Variants in NT5C3A observed in about 807,000 individuals in gnomAD.
The protein encoded by NT5C3A is cytosolic 5'-nucleotidase 3A.
In NT5C3A, 23 loss-of-function variants were observed where a neutral mutation model predicts 40.0. The ratio of observed to expected loss-of-function variants is 0.58; its 90% CI spans 0.41 to 0.81. The LOEUF (loss-of-function observed/expected upper bound fraction) is 0.81, where lower values mean the gene tolerates loss of function less well. Among genes scored for constraint, NT5C3A ranks in the 40% least tolerant of loss-of-function variants. The pLI is 0.00. For missense variants in NT5C3A, 328 were observed against 403.0 expected, an observed-to-expected ratio of 0.81 and a Z score of 1.59; for synonymous variants, 130 against 141.4, an observed-to-expected ratio of 0.92 and a Z score of 0.57.
intron 1 of NT5C3A, among the ~76,000 whole-genome samples, chr7:33,043,318 A>G (rs1170864565): frequency 6.6e-6 from 1 of 152,222 alleles, no homozygotes; most frequent in Non-Finnish European, 1.5e-5. Context: ...AAAATAGAAT[A>G]CATAAGACAG....
intron 7 of NT5C3A, among the ~76,000 whole-genome samples, chr7:33,016,101 C>T (rs923524170): frequency 4.6e-5 from 7 of 152,086 alleles, no homozygotes; most frequent in South Asian, 2.1e-4. Context: ...AAAGGCCGGG[C>T]GCAGGGGCTC....
intron 1 of NT5C3A, among the ~76,000 whole-genome samples, chr7:33,028,751 A>G (rs1416484251): frequency 3.3e-5 from 5 of 152,116 alleles, no homozygotes; most frequent in Non-Finnish European, 7.3e-5. Flanking sequence ...CTGGAAGATG[A>G]TAACGAAAGT....
chr7:33,058,473 A>G (rs1476734305), intron 1 of NT5C3A, among the ~76,000 whole-genome samples: 1 of 151,876 alleles, frequency 6.6e-6, no homozygotes, highest in African/African-American at 2.4e-5. Flanking sequence ...CAGCCTCCCA[A>G]GTAGCTAGGA....
At position 33,026,923 on chromosome 7, in the gene NT5C3A, T is replaced by C. The variant is rs770103584; in HGVS notation, c.139-8A>G. 6.3e-7 allele frequency: 1 copy of C among 1,577,286 alleles called. No individual in the cohort carries two copies. The highest frequency in any genetic ancestry group is 8.7e-7 in the Non-Finnish European group (1 of 1,148,542). On this transcript the variant is annotated splice_polypyrimidine_tract_variant and splice_region_variant and intron_variant, in intron 1 of 8. Coordinates refer to ENST00000610140, the MANE Select transcript of NT5C3A (RefSeq NM_001002010.5). ...TTTCTGGAATTCTGGCATCTAAAAG[T>C]AAAAGAAAATTAATTAATTAGTTTT...
chr7:33,039,555 G>GTTTTTTTTTTTTTT lies in NT5C3A; in HGVS notation c.139-12641_139-12640insAAAAAAAAAAAAAA, dbSNP rs776873396. On this transcript the variant is annotated intron_variant, in intron 1 of 8. Coordinates refer to ENST00000610140, the MANE Select transcript of NT5C3A (RefSeq NM_001002010.5). ...TACTATTTGACTTTCTTAAGCTTGGGTTTTTTGTTTTTTTTTTTTTTTAAT... is the reference window on the plus strand; with the variant it reads ...TACTATTTGACTTTCTTAAGCTTGGGTTTTTTTTTTTTTTTTTTTTGTTTTTTTTTTTTTTTAAT... Among the ~76,000 whole-genome samples, 24 of 70,022 alleles carry GTTTTTTTTTTTTTT rather than the reference G, an allele frequency of 3.4e-4. 2 individuals are homozygous for GTTTTTTTTTTTTTT. Among genetic ancestry groups the GTTTTTTTTTTTTTT allele is most frequent in the African/African-American group, 7.6e-4 (13 of 17,050 alleles). The allele number at this position is 70,022 out of a possible 152,430, so 45.9% of individuals were successfully genotyped here. A position where few individuals can be genotyped will look rare whatever the true frequency, so the allele number is the denominator to read the frequency against.
At chr7:33,034,984 A>T (rs1786506658) in intron 1 of NT5C3A, among the ~76,000 whole-genome samples, 1 of 151,830 alleles carries the variant, frequency 6.6e-6, no homozygotes, top group South Asian at 2.1e-4. Flanking sequence ...CCACACATGC[A>T]AATAAATATG....
intron 7 of NT5C3A, among the ~76,000 whole-genome samples, chr7:33,016,694 A>C (rs1785350312): frequency 6.6e-6 from 1 of 151,774 alleles, no homozygotes; most frequent in Admixed American, 6.6e-5. Flanking sequence ...AAAAGGTAAA[A>C]CAAAATGAGT....
chr7:33,047,167 G>T (rs1374682043), intron 1 of NT5C3A, among the ~76,000 whole-genome samples: 2 of 151,998 alleles, frequency 1.3e-5, no homozygotes, highest in East Asian at 3.9e-4. Flanking sequence ...TCTCACAATT[G>T]GTATTCCTGC....
intron 1 of NT5C3A, among the ~76,000 whole-genome samples, chr7:33,057,505 G>A (rs931939832): frequency 6.6e-6 from 1 of 152,098 alleles, no homozygotes; most frequent in African/African-American, 2.4e-5. Flanking sequence ...CTGGGTGATC[G>A]AGTGAGACCC....
rs532778052 is a variant in NT5C3A, at chr7:33,034,601, A to G, written c.139-7686T>C. Among the ~76,000 whole-genome samples, 28 of 152,362 alleles carry G rather than the reference A, an allele frequency of 1.8e-4. 1 individual carries two copies. The South Asian group carries it at 5.4e-3, about 29-fold the overall frequency. ...CATATAAAACTGGCAATACTGGACT[A>G]TATTTGACATATAAAAACAATTTCA... On this transcript the variant is annotated intron_variant, in intron 1 of 8. Coordinates refer to ENST00000610140, the MANE Select transcript of NT5C3A (RefSeq NM_001002010.5).
intron 1 of NT5C3A, 51 bp downstream of exon 1, chr7:33,062,517 G>C (rs749709846): frequency 3.9e-6 from 6 of 1,529,468 alleles, no homozygotes; most frequent in Non-Finnish European, 5.4e-6. Flanking sequence ...GCCAGCGGAC[G>C]GCCCAGCCGG....
intron 1 of NT5C3A, among the ~76,000 whole-genome samples, chr7:33,042,671 G>C (rs1172015785): frequency 6.6e-6 from 1 of 152,210 alleles, no homozygotes; most frequent in Non-Finnish European, 1.5e-5. Flanking sequence ...ATATTGAAAT[G>C]ATAGTTCTAC....
intron 1 of NT5C3A, among the ~76,000 whole-genome samples, chr7:33,057,102 C>T (rs1401216240): frequency 1.3e-5 from 2 of 152,236 alleles, no homozygotes; most frequent in Non-Finnish European, 2.9e-5. Flanking sequence ...TGTGAGCCAC[C>T]GCACCCGGCC....
In NT5C3A at chr7:33,031,438, A is replaced by G. The variant is rs1055280683; in HGVS notation, c.139-4523T>C. ...CCCTGTCTCTACAAACAATACAAAA[A>G]TTAGCCGGGCATGGTGGTGCACATC... On this transcript the variant is annotated intron_variant, in intron 1 of 8. Coordinates refer to ENST00000610140, the MANE Select transcript of NT5C3A (RefSeq NM_001002010.5). 2.6e-5 allele frequency among the ~76,000 whole-genome samples: 4 copies of G among 151,438 alleles called. No individual in the cohort carries two copies. The South Asian group carries it at 8.4e-4, about 32-fold the overall frequency.
chr7:33,023,850 A>G, intron 3 of NT5C3A, 189 bp downstream of exon 3: 1 of 577,288 alleles, frequency 1.7e-6, no homozygotes. Context: ...CCAAAACCAT[A>G]CATGAAAATA....
At chr7:33,052,235 G>A (rs1050452581) in intron 1 of NT5C3A, among the ~76,000 whole-genome samples, 11 of 151,620 alleles carry the variant, frequency 7.3e-5, no homozygotes, top group Non-Finnish European at 1.6e-4. Flanking sequence ...TGTAATCCAA[G>A]CACTTTGGGA....
intron 1 of NT5C3A, among the ~76,000 whole-genome samples, chr7:33,052,058 T>TTTTTGTTTTG (rs140910294): frequency 6.6e-6 from 1 of 152,070 alleles, no homozygotes; most frequent in Non-Finnish European, 1.5e-5. Context: ...GCTTCTAAAG[T>TTTTTGTTTTG]TTTTGTTTTG....
intron 1 of NT5C3A, among the ~76,000 whole-genome samples, chr7:33,037,194 G>A (rs1233963740): frequency 6.6e-6 from 1 of 152,202 alleles, no homozygotes; most frequent in Non-Finnish European, 1.5e-5. Flanking sequence ...AAATAGGTAT[G>A]TGAGAGTGTT....
chr7:33,061,036 T>G (rs747789646), intron 1 of NT5C3A, among the ~76,000 whole-genome samples: 7 of 152,210 alleles, frequency 4.6e-5, no homozygotes, highest in African/African-American at 1.7e-4. Flanking sequence ...TAGCAAACTG[T>G]TCCTATGATG....
Sources: gnomAD v4.1 joint callset for allele counts (sites outside exome capture counted in the v4.1 genomes callset) on GRCh38, gnomAD v4.1.1 for gene constraint, MANE v1.5 for transcripts, NCBI Gene and HGNC (gene_info 2026-07-23, HGNC 2026-07-21) for gene names.